PCDH9: variants seen among roughly 807,000 people sequenced by gnomAD.
PCDH9 encodes protocadherin-9.
Under a neutral mutation model 70.6 loss-of-function variants are expected in PCDH9, and 24 were observed. The ratio of observed to expected loss-of-function variants is 0.34; its 90% confidence interval spans 0.25 to 0.48. The LOEUF (loss-of-function observed/expected upper bound fraction) is 0.48, where lower values mean the gene tolerates loss of function less well. Among genes scored for constraint, PCDH9 ranks in the 20% least tolerant of loss-of-function variants. The pLI is 0.99. For synonymous variants in PCDH9, 562 were observed against 558.5 expected, an observed-to-expected ratio of 1.01 and a Z score of -0.09; for missense variants, 1,281 against 1,503.6, an observed-to-expected ratio of 0.85 and a Z score of 2.45.
chr13:66,757,490 A>G lies in PCDH9; in HGVS notation c.3139-126079T>C, dbSNP rs557545218. On this transcript the variant is annotated intron_variant, in intron 3 of 4. Transcript: ENST00000377865. ...TTACCATCATTGGGTTTTTACTTTCATTTATTTATTCAACCAAATTCTATG... is the reference window on the plus strand; with the variant it reads ...TTACCATCATTGGGTTTTTACTTTCGTTTATTTATTCAACCAAATTCTATG... 4.6e-5 allele frequency among the ~76,000 whole-genome samples: 7 copies of G among 152,194 alleles called. No homozygotes were observed. The South Asian group carries it at 8.3e-4, about 18-fold the overall frequency.
intron 2 of PCDH9, chr13:67,208,775 T>C (rs1455322508): frequency 6.6e-6 from 1 of 152,282 alleles, no homozygotes; most frequent in East Asian, 1.9e-4. Context: ...ACATCTTTGA[T>C]ACGAGTAGTT....
intron 4 of PCDH9, among the ~76,000 whole-genome samples, chr13:66,307,863 A>T (rs1955494316): frequency 6.6e-6 from 1 of 152,120 alleles, no homozygotes; most frequent in Non-Finnish European, 1.5e-5. Context: ...TGTATACCTT[A>T]GGTTTTCAGC....
rs2089977580 is a variant in PCDH9 at position 67,230,327 on chromosome 13, T to A, written c.-683A>T. 1 of 152,478 alleles carries A rather than the reference T, an allele frequency of 6.6e-6. No homozygotes were observed. Among genetic ancestry groups the A allele is most frequent in the Admixed American group, 6.5e-5 (1 of 15,278 alleles). 9.4% of individuals were successfully genotyped at this position (152,478 alleles called of 1,614,324 possible). ...CCCCTCTCTCCTTCTCCCTCTCCTC[T>A]CTCTGAACTGAATTTCTTGATATAA... On this transcript the variant is annotated 5_prime_UTR_variant, in exon 1 of 5. Coordinates refer to ENST00000377865, the MANE Select transcript of PCDH9 (RefSeq NM_203487.3).
At position 67,039,607 on chromosome 13, in the gene PCDH9, T is replaced by C. The variant is rs546328930; in HGVS notation, c.3037-136002A>G. Among the ~76,000 whole-genome samples the C allele has an allele frequency of 3.9e-5, 6 of 152,350 alleles. No homozygotes were observed. In the South Asian group the frequency reaches 1.0e-3, roughly 26 times the overall value. On this transcript the variant is annotated intron_variant, in intron 2 of 4. Coordinates refer to ENST00000377865, the MANE Select transcript of PCDH9 (RefSeq NM_203487.3). ...TTGGTGTTCAGCTTTCCATTGTGTG[T>C]GGGCAAATGGATCAGTTTTCTTTAG...
At chr13:67,083,245 TAG>T (rs2086022927) in intron 2 of PCDH9, among the ~76,000 whole-genome samples, 1 of 152,180 alleles carries the variant, frequency 6.6e-6, no homozygotes, top group African/African-American at 2.4e-5. Flanking sequence ...TTCAATTTTA[TAG>T]AGTTTTGCAT....
intron 3 of PCDH9, among the ~76,000 whole-genome samples, chr13:66,900,960 TTTGTAGGTTATAA>T (rs2082267436): frequency 6.6e-6 from 1 of 151,740 alleles, no homozygotes; most frequent in African/African-American, 2.4e-5. Context: ...AGATGCCAAT[TTTGTAGGTTATAA>T]TCACCTTTCA....
intron 4 of PCDH9, among the ~76,000 whole-genome samples, chr13:66,325,410 A>T (rs1955825793): frequency 6.6e-6 from 1 of 152,018 alleles, no homozygotes; most frequent in Admixed American, 6.5e-5. Flanking sequence ...AGTTTTCTGT[A>T]TCCTATGAGA....
intron 3 of PCDH9, among the ~76,000 whole-genome samples, chr13:66,671,639 G>A (rs2078176700): frequency 6.6e-6 from 1 of 152,134 alleles, no homozygotes; most frequent in Non-Finnish European, 1.5e-5. Flanking sequence ...GAGACTGGTG[G>A]CATTTTGCCC....
chr13:66,375,873 C>T (rs1273075933), intron 4 of PCDH9, among the ~76,000 whole-genome samples: 1 of 152,004 alleles, frequency 6.6e-6, no homozygotes, highest in East Asian at 1.9e-4. Flanking sequence ...GGTCAAAGTG[C>T]TTCACGAGAT....
At chr13:67,177,804 C>T (rs1439769022) in intron 2 of PCDH9, among the ~76,000 whole-genome samples, 1 of 152,066 alleles carries the variant, frequency 6.6e-6, no homozygotes, top group East Asian at 1.9e-4. Context: ...TGGATATATG[C>T]CAGTTGCTTC....
intron 4 of PCDH9, among the ~76,000 whole-genome samples, chr13:66,597,191 A>G (rs2077114327): frequency 6.6e-6 from 1 of 151,892 alleles, no homozygotes; most frequent in East Asian, 1.9e-4. Flanking sequence ...CACACTACCC[A>G]AAGTGATCTG....
rs550359494 is a variant in PCDH9, at chr13:67,073,503, A to G, written c.3036+151902T>C. Among the ~76,000 whole-genome samples the G allele has an allele frequency of 7.2e-5, 11 of 152,206 alleles. No individual in the cohort carries two copies. In the East Asian group the frequency reaches 2.1e-3, roughly 29 times the overall value. On this transcript the variant is annotated intron_variant, in intron 2 of 4. Transcript: ENST00000377865. ...ATAAAAAATAGAACTTTTTGGCAAAAAAAAAATGTGTGAATCATTTGCTCA... is the reference window on the plus strand; with the variant it reads ...ATAAAAAATAGAACTTTTTGGCAAAGAAAAAATGTGTGAATCATTTGCTCA...
chr13:66,904,093 C>T (rs1212270265), intron 2 of PCDH9, among the ~76,000 whole-genome samples: 1 of 151,812 alleles, frequency 6.6e-6, no homozygotes, highest in Non-Finnish European at 1.5e-5. Context: ...TCCTTAGCTA[C>T]CACATGAACT....
At chr13:66,832,159 A>T (rs1304939781) in intron 3 of PCDH9, among the ~76,000 whole-genome samples, 1 of 152,130 alleles carries the variant, frequency 6.6e-6, no homozygotes, top group African/African-American at 2.4e-5. Context: ...GAGGAACAAA[A>T]TTCAATTCAA....
At chr13:66,485,723 C>CATTT (rs1272569648) in intron 4 of PCDH9, among the ~76,000 whole-genome samples, 1 of 151,600 alleles carries the variant, frequency 6.6e-6, no homozygotes, top group Admixed American at 6.6e-5. Flanking sequence ...TTTATTTATT[C>CATTT]ATTTATTTAT....
intron 2 of PCDH9, among the ~76,000 whole-genome samples, chr13:67,122,692 T>A (rs2086899619): frequency 6.6e-6 from 1 of 151,596 alleles, no homozygotes. Flanking sequence ...GGTAATCGCT[T>A]GAACTCGGGA....
At chr13:66,378,016 T>C (rs1593881827) in intron 4 of PCDH9, among the ~76,000 whole-genome samples, 1 of 152,188 alleles carries the variant, frequency 6.6e-6, no homozygotes, top group Non-Finnish European at 1.5e-5. Flanking sequence ...TGTTAATTGG[T>C]GTAATAGATT....
rs1409561284 is a variant in PCDH9 at position 66,650,367 on chromosome 13, A to G, written c.3139-18956T>C. Reference sequence around the variant, plus strand: ...AAACAGATTTAAAGACAAAAACTCTAAAAGAGATGCAGAAGAGCATTATAT... The same window carrying G: ...AAACAGATTTAAAGACAAAAACTCTGAAAGAGATGCAGAAGAGCATTATAT... On this transcript the variant is annotated intron_variant, in intron 3 of 4. Transcript: ENST00000377865. 7.9e-5 allele frequency among the ~76,000 whole-genome samples: 12 copies of G among 152,004 alleles called. 1 individual carries two copies. Among genetic ancestry groups the G allele is most frequent in the Admixed American group, 7.9e-4 (12 of 15,264 alleles).
chr13:66,863,657 T>G (rs1210867327), intron 3 of PCDH9, among the ~76,000 whole-genome samples: 1 of 151,920 alleles, frequency 6.6e-6, no homozygotes, highest in Admixed American at 6.6e-5. Flanking sequence ...AGCTAATTTG[T>G]TTGTATTTTT....
Sources: gnomAD v4.1 joint callset for allele counts (sites outside exome capture counted in the v4.1 genomes callset) on GRCh38, gnomAD v4.1.1 for gene constraint, MANE v1.5 for transcripts, NCBI Gene and HGNC (gene_info 2026-07-23, HGNC 2026-07-21) for gene names.